KLK4: variants seen among roughly 807,000 people sequenced by gnomAD.
KLK4 encodes the protein kallikrein-4.
In KLK4, 24 loss-of-function variants were observed where a neutral mutation model predicts 24.3. That is an observed-to-expected ratio of 0.99 (90% CI 0.72 to 1.39). The LOEUF is 1.39. KLK4 is among the 40% of genes most tolerant of loss of function. The probability of loss-of-function intolerance (pLI) is 0.00; values close to 1 mark genes in which losing one functional copy is unlikely to be tolerated. For synonymous variants in KLK4, 142 were observed against 138.8 expected, an observed-to-expected ratio of 1.02 and a Z score of -0.16; for missense variants, 344 against 327.4, an observed-to-expected ratio of 1.05 and a Z score of -0.39.
intron 3 of KLK4, 119 bp downstream of exon 3, chr19:50,909,133 T>A: frequency 6.3e-7 from 1 of 1,582,692 alleles, no homozygotes; most frequent in Non-Finnish European, 8.6e-7. Flanking sequence ...TCCAGGCTCA[T>A]TCCGTCCTCC....
chr19:50,908,765 C>T (rs865893572), exon 4 of KLK4: 1 of 1,607,368 alleles, frequency 6.2e-7, no homozygotes, highest in Non-Finnish European at 8.5e-7. Context: ...CTGGCCTCCA[C>T]CATCTGGCTC....
At chr19:50,908,534 C>T in intron 4 of KLK4, 39 bp from the exon 5 acceptor site, 1 of 1,614,194 alleles carries the variant, frequency 6.2e-7, no homozygotes, top group Non-Finnish European at 8.5e-7. Flanking sequence ...CGCGACTGGG[C>T]AGAGGACCTC....
exon 6 of KLK4, chr19:50,906,723 C>T: frequency 3.0e-6 from 1 of 333,672 alleles, no homozygotes; most frequent in Non-Finnish European, 5.4e-6. Flanking sequence ...AGGGGCTGGA[C>T]TCCTGGGTCT....
exon 4 of KLK4, chr19:50,908,676 C>A: frequency 6.2e-7 from 1 of 1,614,214 alleles, no homozygotes; most frequent in Non-Finnish European, 8.5e-7. Context: ...CAGACTCGGA[C>A]ACGGATTCGT....
intron 5 of KLK4, among the ~76,000 whole-genome samples, chr19:50,907,634 T>G (rs1384772622): frequency 6.6e-6 from 1 of 152,086 alleles, no homozygotes; most frequent in Non-Finnish European, 1.5e-5. Context: ...CTTGAACTCC[T>G]TACCTCAAGT....
exon 6 of KLK4, chr19:50,906,901 G>C: frequency 6.2e-7 from 1 of 1,613,434 alleles, no homozygotes; most frequent in East Asian, 2.2e-5. Flanking sequence ...GATGTATTTG[G>C]GGGTCAATTT....
rs1051466753 is a variant in KLK4 at position 50,909,179 on chromosome 19, C to A, written c.224+73G>T. ...TTCACCGCTGTTTCCCCCTGAGCACCCCAAGATGAGCCTGATATTAGGCCC... is the reference window on the plus strand; with the variant it reads ...TTCACCGCTGTTTCCCCCTGAGCACACCAAGATGAGCCTGATATTAGGCCC... On this transcript the variant is annotated intron_variant, in intron 3 of 5. Coordinates refer to ENST00000324041, the Ensembl canonical transcript of KLK4. 4.3e-6 allele frequency: 7 copies of A among 1,612,114 alleles called. No homozygotes were observed. The African/African-American group carries it at 5.3e-5, about 12-fold the overall frequency.
chr19:50,909,276 A>G, exon 3 of KLK4: 3 of 1,614,138 alleles, frequency 1.9e-6, no homozygotes, highest in Non-Finnish European at 2.5e-6. Context: ...TGCGGCTGAC[A>G]GCACCCACTG....
At chr19:50,907,414 T>A (rs1600043907) in intron 5 of KLK4, among the ~76,000 whole-genome samples, 1 of 150,194 alleles carries the variant, frequency 6.7e-6, no homozygotes, top group Non-Finnish European at 1.5e-5. Flanking sequence ...CTTTTTTTTT[T>A]TTTTTTTTTT....
intron 5 of KLK4, 78 bp from the exon 6 acceptor site, chr19:50,907,164 T>C: frequency 7.0e-7 from 1 of 1,423,186 alleles, no homozygotes; most frequent in South Asian, 1.2e-5. Context: ...AGGAACTAAA[T>C]GAGACTGAGA....
chr19:50,909,409 G>A (rs530903823), exon 3 of KLK4: 2 of 1,614,108 alleles, frequency 1.2e-6, no homozygotes, highest in South Asian at 1.1e-5. Context: ...CCAGAGACGA[G>A]CGATCCTGAG....
chr19:50,907,313 G>C (rs2090441503), intron 5 of KLK4, among the ~76,000 whole-genome samples: 1 of 151,704 alleles, frequency 6.6e-6, no homozygotes, highest in African/African-American at 2.4e-5. Context: ...TCTTGGGCTT[G>C]TGGTCTGTCT....
In KLK4 at chr19:50,909,325, C is replaced by A; in HGVS notation, c.151G>T (p.Glu51Ter). Reference sequence around the variant, plus strand: ...ACGCCCGAGCAGAACAATTCGTTTTCCATGACCAGTGCCGCCTGCCAGGGC... The same window carrying A: ...ACGCCCGAGCAGAACAATTCGTTTTACATGACCAGTGCCGCCTGCCAGGGC... Residue 51 changes from glutamate (E) to a stop codon, truncating the protein, a stop_gained, in exon 3 of 6, where the codon GAA becomes TAA. Coordinates refer to ENST00000324041, the Ensembl canonical transcript of KLK4. LOFTEE classifies it high-confidence loss of function. 2 of 1,614,066 alleles carry A rather than the reference C, an allele frequency of 1.2e-6. No individual in the cohort carries two copies. Among genetic ancestry groups the A allele is most frequent in the Non-Finnish European group, 1.7e-6 (2 of 1,179,896 alleles).
At position 50,910,296 on chromosome 19, in the gene KLK4, G is replaced by C. The variant is rs543185883; in HGVS notation, c.61+382C>G. On this transcript the variant is annotated intron_variant, in intron 2 of 5. Transcript: ENST00000324041. This position sits in a 1 kb window ranked among gnomAD's most constrained non-coding sequence, Gnocchi z 4.4. ...TGTGAGGTGAGTTCCTTGGGGATGG[G>C]AGAGGGGGATCTCAGGACTGAAGAC... 1.4e-4 allele frequency among the ~76,000 whole-genome samples: 21 copies of C among 152,204 alleles called. No individual in the cohort carries two copies. The highest frequency in any genetic ancestry group is 4.6e-4 in the African/African-American group (19 of 41,520).
rs1181227211 is a variant in KLK4, at chr19:50,908,627, T to C, written c.427A>G (p.Thr143Ala). Residue 143 changes from threonine to alanine, a missense_variant, in exon 4 of 6, where the codon ACC (threonine) becomes GCC (alanine). Physicochemically the swap from Thr to Ala is moderately conservative, Grantham distance 58. Transcript: ENST00000324041. ...GAAACGAGGCAAGAGTTCCCCGCGGTAGGGCACTGCGAAGCAATGCTGATG... is the reference window on the plus strand; with the variant it reads ...GAAACGAGGCAAGAGTTCCCCGCGGCAGGGCACTGCGAAGCAATGCTGATG... 4 of 1,614,112 alleles carry C rather than the reference T, an allele frequency of 2.5e-6. No homozygotes were observed. The African/African-American group carries it at 4.0e-5, about 16-fold the overall frequency.
intron 5 of KLK4, chr19:50,907,903 A>G: frequency 4.1e-6 from 1 of 246,636 alleles, no homozygotes; most frequent in East Asian, 1.0e-4. Flanking sequence ...AAAAATTCAC[A>G]GACGAACTGT....
At chr19:50,906,780 A>G (rs564767796) in exon 6 of KLK4, 4 of 649,296 alleles carry the variant, frequency 6.2e-6, no homozygotes, top group African/African-American at 1.1e-4. Context: ...CTGAGGGAGG[A>G]GGGGCTGGGG....
chr19:50,909,521 G>T, intron 2 of KLK4, 107 bp from the exon 3 acceptor site: 1 of 1,203,272 alleles, frequency 8.3e-7, no homozygotes, highest in Non-Finnish European at 1.2e-6. Context: ...AGCAGTCAGG[G>T]CTCCTCGGGG....
At chr19:50,909,308 G>A (rs770383561) in exon 3 of KLK4, 9 of 1,614,106 alleles carry the variant, frequency 5.6e-6, no homozygotes, top group Non-Finnish European at 7.6e-6. Context: ...GGACGCCCGA[G>A]CAGAACAATT....
Sources: allele counts gnomAD v4.1 joint callset (sites outside exome capture counted in the v4.1 genomes callset), GRCh38; gene constraint gnomAD v4.1.1; non-coding constraint Gnocchi (gnomAD v3.1); transcripts MANE v1.5; gene names NCBI Gene and HGNC (gene_info 2026-07-23, HGNC 2026-07-21).